The following PER3 variants were observed in gnomAD, a reference collection of about 807,000 sequenced individuals.
PER3 encodes period circadian protein homolog 3.
In PER3, 107 loss-of-function variants were observed where a neutral mutation model predicts 127.2. The ratio of observed to expected loss-of-function variants is 0.84; its 90% CI spans 0.72 to 0.99. The LOEUF is 0.99. Among genes scored for constraint, PER3 ranks in the 50% least tolerant of loss-of-function variants. The probability of loss-of-function intolerance (pLI) is 0.00; values close to 1 mark genes in which losing one functional copy is unlikely to be tolerated. For missense variants in PER3, 1,560 were observed against 1,525.8 expected (o/e 1.02, Z -0.37); for synonymous variants, 618 against 585.8 (o/e 1.05, Z -0.79).
chr1:7,827,187 C>T lies in PER3; in HGVS notation c.2258C>T (p.Pro753Leu), dbSNP rs760537957. Residue 753 changes from proline to leucine, a missense_variant, in exon 18 of 22, where the codon CCG becomes CTG. Transcript: ENST00000377532. The part of the protein sequence containing the change: ...RKGKHKRKKL[P>L]EPPDSSSSNT... The stretch of plus-strand genomic sequence containing the variant: ...GGGAAGCACAAGCGGAAGAAGCTGC[C>T]GGAGCCGCCAGACAGCAGCAGCTCG... The T allele has an allele frequency of 5.0e-6, 8 of 1,613,072 alleles. 1 individual carries two copies. In the South Asian group the frequency reaches 5.5e-5, roughly 11 times the overall value.
At chr1:7,833,984 G>T (rs2097345393) in intron 19 of PER3, among the ~76,000 whole-genome samples, 1 of 151,884 alleles carries the variant, frequency 6.6e-6, no homozygotes, top group African/African-American at 2.4e-5. Context: ...GTGCAGTGGT[G>T]CCATCTTGGC....
At chr1:7,804,980 T>C (rs1306671380) in intron 10 of PER3, among the ~76,000 whole-genome samples, 1 of 151,902 alleles carries the variant, frequency 6.6e-6, no homozygotes, top group African/African-American at 2.4e-5. Context: ...ACGTTTCTCC[T>C]GCCTCAGCCT....
At chr1:7,812,046 G>T (rs1217530504) in intron 13 of PER3, among the ~76,000 whole-genome samples, 1 of 152,166 alleles carries the variant, frequency 6.6e-6, no homozygotes, top group Non-Finnish European at 1.5e-5. Context: ...CTAGCAGAGA[G>T]AATTCTTTTA....
intron 6 of PER3, among the ~76,000 whole-genome samples, chr1:7,795,143 C>G (rs2097139812): frequency 6.6e-6 from 1 of 152,038 alleles, no homozygotes; most frequent in South Asian, 2.1e-4. Context: ...GAGGGGCTGT[C>G]TTGTTCCAGT....
chr1:7,803,904 C>T (rs546960560), intron 10 of PER3, 56 bp downstream of exon 10: 1 of 1,422,970 alleles, frequency 7.0e-7, no homozygotes, highest in Admixed American at 1.8e-5. Context: ...AATAATATTC[C>T]TTAGCTTATT....
At chr1:7,830,713 C>T (rs1450917162) in intron 19 of PER3, among the ~76,000 whole-genome samples, 1 of 152,098 alleles carries the variant, frequency 6.6e-6, no homozygotes, top group African/African-American at 2.4e-5. Flanking sequence ...CTGTTCCTGC[C>T]GTTTGTTCAA....
intron 5 of PER3, among the ~76,000 whole-genome samples, chr1:7,793,710 G>C (rs1225854629): frequency 1.3e-5 from 2 of 152,176 alleles, no homozygotes. Flanking sequence ...GTAGTAAGGG[G>C]AAGAGATAAA....
intron 18 of PER3, among the ~76,000 whole-genome samples, 199 bp from the exon 19 acceptor site, chr1:7,829,635 A>T (rs1305222022): frequency 2.0e-5 from 3 of 152,242 alleles, no homozygotes; most frequent in Non-Finnish European, 2.9e-5. Flanking sequence ...ACAGCTCAAA[A>T]TTTTATGACA....
intron 5 of PER3, among the ~76,000 whole-genome samples, chr1:7,792,554 CT>C (rs1262989662): frequency 1.3e-5 from 2 of 152,124 alleles, no homozygotes; most frequent in Admixed American, 1.3e-4. Context: ...GTACTTTTGC[CT>C]TATGAATCTC....
intron 5 of PER3, 109 bp downstream of exon 5, chr1:7,788,355 G>T: frequency 1.3e-6 from 1 of 765,604 alleles, no homozygotes; most frequent in Non-Finnish European, 2.1e-6. Context: ...ACACTATCTG[G>T]TTTTTCTTAT....
intron 7 of PER3, among the ~76,000 whole-genome samples, chr1:7,800,215 C>T (rs952020799): frequency 8.6e-6 from 1 of 116,026 alleles, no homozygotes; most frequent in African/African-American, 2.9e-5. Flanking sequence ...TCAATCACTT[C>T]ATTTTTTTTT....
chr1:7,820,001 A>G, intron 14 of PER3, 114 bp from the exon 15 acceptor site: 2 of 1,049,592 alleles, frequency 1.9e-6, no homozygotes. Context: ...AGACTTTATC[A>G]AAGAAGAAAG....
chr1:7,825,189 ACCAC>A (rs1473314176), intron 16 of PER3, among the ~76,000 whole-genome samples: 2 of 152,048 alleles, frequency 1.3e-5, no homozygotes, highest in East Asian at 3.9e-4. Context: ...CGGATGCTGC[ACCAC>A]AGGGGCGAGC....
intron 5 of PER3, among the ~76,000 whole-genome samples, chr1:7,791,571 A>C (rs2097121505): frequency 6.6e-6 from 1 of 152,202 alleles, no homozygotes; most frequent in Non-Finnish European, 1.5e-5. Flanking sequence ...GGTGATTAAC[A>C]TTTGGCTTCT....
chr1:7,802,631 A>G (rs970268801), intron 8 of PER3, among the ~76,000 whole-genome samples: 2 of 150,560 alleles, frequency 1.3e-5, no homozygotes, highest in African/African-American at 4.8e-5. Flanking sequence ...TTATTCATTT[A>G]ACATCATCAG....
intron 13 of PER3, among the ~76,000 whole-genome samples, chr1:7,818,647 C>T (rs906185884): frequency 3.3e-5 from 5 of 152,210 alleles, no homozygotes; most frequent in African/African-American, 1.2e-4. Context: ...TAAACTACTA[C>T]ATCTACAATG....
chr1:7,804,159 A>G (rs1436279670), intron 10 of PER3, among the ~76,000 whole-genome samples: 1 of 152,200 alleles, frequency 6.6e-6, no homozygotes, highest in African/African-American at 2.4e-5. Flanking sequence ...ATTTTTAAAT[A>G]TAAAAATCAG....
chr1:7,832,072 G>A (rs1166971280), intron 19 of PER3, among the ~76,000 whole-genome samples: 1 of 152,014 alleles, frequency 6.6e-6, no homozygotes, highest in Non-Finnish European at 1.5e-5. Context: ...ATATATATGG[G>A]TCTAATCAGG....
At position 7,801,095 on chromosome 1, in the gene PER3, T is replaced by TG. The variant is rs2097168707; in HGVS notation, c.794-18_794-17insG. 1 of 1,546,040 alleles carries TG rather than the reference T, an allele frequency of 6.5e-7. No homozygotes were observed. The highest frequency in any genetic ancestry group is 8.9e-7 in the Non-Finnish European group (1 of 1,122,378). On this transcript the variant is annotated splice_polypyrimidine_tract_variant and intron_variant, in intron 7 of 21. Transcript: ENST00000377532. ...TAGATATTTGCCTTTAAATGGGTCTTTGTTTTTTTTTCCTTAGCTCCTCGG... is the reference window on the plus strand; with the variant it reads ...TAGATATTTGCCTTTAAATGGGTCTTGTGTTTTTTTTTCCTTAGCTCCTCGG...
Sources: allele counts gnomAD v4.1 joint callset (sites outside exome capture counted in the v4.1 genomes callset), GRCh38; gene constraint gnomAD v4.1.1; transcripts MANE v1.5; gene names NCBI Gene and HGNC (gene_info 2026-07-23, HGNC 2026-07-21).